RBMS3: variants seen among roughly 807,000 people sequenced by gnomAD.
RBMS3 encodes the protein RNA-binding motif, single-stranded-interacting protein 3.
RBMS3 carries 27 observed loss-of-function variants against 66.8 expected under a neutral mutation model. The observed-to-expected ratio is 0.40, with a 90% CI of 0.30 to 0.56. RBMS3 has a LOEUF of 0.56. Ranked by LOEUF, RBMS3 falls within the 20% of genes least tolerant of loss-of-function variation. The pLI is 0.40. For missense variants in RBMS3, 513 were observed against 549.5 expected (o/e 0.93, Z 0.66); for synonymous variants, 188 against 183.0 (o/e 1.03, Z -0.22).
intron 4 of RBMS3, among the ~76,000 whole-genome samples, chr3:29,648,510 C>A (rs551393793): frequency 6.6e-5 from 10 of 151,856 alleles, no homozygotes; most frequent in African/African-American, 2.2e-4. Flanking sequence ...TGAGTTCAAG[C>A]CATTCTCCTA....
At chr3:29,382,543 G>A (rs961968705) in intron 1 of RBMS3, among the ~76,000 whole-genome samples, 6 of 152,090 alleles carry the variant, frequency 3.9e-5, no homozygotes, top group African/African-American at 1.4e-4. Context: ...CCATGAAAAC[G>A]AATGCTCTGA....
intron 3 of RBMS3, among the ~76,000 whole-genome samples, chr3:29,553,544 T>C (rs992307399): frequency 6.6e-6 from 1 of 152,086 alleles, no homozygotes; most frequent in African/African-American, 2.4e-5. Context: ...TTGGGCCAGG[T>C]GGCTCTTTTG....
In RBMS3 at chr3:29,315,739, A is replaced by G. The variant is rs536435167; in HGVS notation, c.75+33983A>G. On this transcript the variant is annotated intron_variant, in intron 1 of 14. Transcript: ENST00000383767. Reference sequence around the variant, plus strand: ...TGCTGCAGTGAACACACTAGTTGCTATATTTTGGTACATGTATAGGGGCAT... The same window carrying G: ...TGCTGCAGTGAACACACTAGTTGCTGTATTTTGGTACATGTATAGGGGCAT... Among the ~76,000 whole-genome samples, 4 of 151,816 alleles carry G rather than the reference A, an allele frequency of 2.6e-5. No individual in the cohort carries two copies. The East Asian group carries it at 5.8e-4, about 22-fold the overall frequency.
At chr3:29,707,533 A>C (rs9838087) in intron 4 of RBMS3, among the ~76,000 whole-genome samples, 1 of 152,128 alleles carries the variant, frequency 6.6e-6, no homozygotes, top group Non-Finnish European at 1.5e-5. Flanking sequence ...AAAAACAAAC[A>C]AAACATCTGA....
intron 14 of RBMS3, among the ~76,000 whole-genome samples, chr3:29,999,060 A>C (rs1699440789): frequency 6.6e-6 from 1 of 150,878 alleles, no homozygotes. Context: ...CAATGAACTC[A>C]AACTAGAAAA....
At chr3:29,957,842 T>C (rs1476118030) in intron 12 of RBMS3, among the ~76,000 whole-genome samples, 1 of 152,216 alleles carries the variant, frequency 6.6e-6, no homozygotes, top group Non-Finnish European at 1.5e-5. Context: ...CTGGTCCCAA[T>C]GACATCGCAT....
intron 6 of RBMS3, among the ~76,000 whole-genome samples, chr3:29,830,267 A>G (rs545891575): frequency 6.6e-6 from 1 of 152,280 alleles, no homozygotes; most frequent in East Asian, 1.9e-4. Context: ...TTGACTAAAC[A>G]TATCGGTGAT....
intron 3 of RBMS3, among the ~76,000 whole-genome samples, chr3:29,501,072 T>A (rs1425796900): frequency 6.6e-6 from 1 of 152,196 alleles, no homozygotes; most frequent in Non-Finnish European, 1.5e-5. Flanking sequence ...CTTAGGGAGT[T>A]GTCAGGTTCT....
chr3:29,974,610 C>A (rs1697434730), intron 12 of RBMS3, among the ~76,000 whole-genome samples: 1 of 151,386 alleles, frequency 6.6e-6, no homozygotes, highest in Non-Finnish European at 1.5e-5. Context: ...ATAATCCCCA[C>A]AAAAGTATAA....
At chr3:29,603,848 A>G (rs1254459471) in intron 4 of RBMS3, among the ~76,000 whole-genome samples, 1 of 151,964 alleles carries the variant, frequency 6.6e-6, no homozygotes, top group Admixed American at 6.6e-5. Context: ...CACCTGAACC[A>G]CTGCTTTAGA....
At chr3:29,354,224 C>G (rs561954736) in intron 1 of RBMS3, among the ~76,000 whole-genome samples, 7 of 152,072 alleles carry the variant, frequency 4.6e-5, no homozygotes, top group Non-Finnish European at 1.0e-4. Flanking sequence ...CATATTGGAA[C>G]ATTTGCTACT....
chr3:29,552,155 G>T (rs181871865), intron 3 of RBMS3, among the ~76,000 whole-genome samples: 25 of 152,264 alleles, frequency 1.6e-4, no homozygotes, highest in African/African-American at 5.8e-4. Context: ...GGCTTTTGGA[G>T]GTGAAAGGAA....
chr3:29,322,016 G>A (rs552253005), intron 1 of RBMS3, among the ~76,000 whole-genome samples: 18 of 152,194 alleles, frequency 1.2e-4, no homozygotes, highest in Non-Finnish European at 2.1e-4. Flanking sequence ...ACAAGAATAC[G>A]TGATAAAATT....
chr3:29,700,019 T>C (rs2052479396), intron 4 of RBMS3, among the ~76,000 whole-genome samples: 1 of 151,912 alleles, frequency 6.6e-6, no homozygotes, highest in Admixed American at 6.5e-5. Flanking sequence ...ATTAGATGCA[T>C]TGGCACCCTA....
At chr3:29,440,250 TA>T (rs1320771432) in intron 2 of RBMS3, among the ~76,000 whole-genome samples, 2 of 152,216 alleles carry the variant, frequency 1.3e-5, no homozygotes, top group African/African-American at 2.4e-5. Context: ...ATATTTTATC[TA>T]ACCATTTTGT....
At chr3:29,861,718 A>G (rs1234180079) in intron 6 of RBMS3, among the ~76,000 whole-genome samples, 1 of 152,218 alleles carries the variant, frequency 6.6e-6, no homozygotes, top group African/African-American at 2.4e-5. Context: ...AAATCCTATA[A>G]GCCATCTGAT....
At chr3:29,922,536 A>C (rs1207879572) in intron 10 of RBMS3, among the ~76,000 whole-genome samples, 1 of 151,636 alleles carries the variant, frequency 6.6e-6, no homozygotes, top group Non-Finnish European at 1.5e-5. Flanking sequence ...GAAACTCAGC[A>C]TTCGTGAATG....
intron 9 of RBMS3, 145 bp from the exon 10 acceptor site, chr3:29,899,560 C>T: frequency 1.7e-6 from 1 of 593,854 alleles, no homozygotes; most frequent in South Asian, 2.6e-5. Flanking sequence ...CCAAGAATTC[C>T]CTTTTTACCC....
At chr3:29,355,723 A>AAGCATTG in intron 1 of RBMS3, among the ~76,000 whole-genome samples, 1 of 152,282 alleles carries the variant, frequency 6.6e-6, no homozygotes, top group African/African-American at 2.4e-5. Context: ...ATGAGGGGAA[A>AAGCATTG]AGCATTGAGT....
Sources: gnomAD v4.1 joint callset for allele counts (sites outside exome capture counted in the v4.1 genomes callset) on GRCh38, gnomAD v4.1.1 for gene constraint, MANE v1.5 for transcripts, NCBI Gene and HGNC (gene_info 2026-07-23, HGNC 2026-07-21) for gene names.